The following FSTL4 variants were observed in gnomAD, a reference collection of about 807,000 sequenced individuals.
FSTL4 encodes the protein follistatin like 4.
In FSTL4, 28 loss-of-function variants were observed where a neutral mutation model predicts 78.2. That is an observed-to-expected ratio of 0.36 (90% CI 0.27 to 0.49). FSTL4 has a LOEUF of 0.49. Among genes scored for constraint, FSTL4 ranks in the 20% least tolerant of loss-of-function variants. The probability of loss-of-function intolerance (pLI) is 0.98; values close to 1 mark genes in which losing one functional copy is unlikely to be tolerated. For synonymous variants in FSTL4, 422 were observed against 440.5 expected (o/e 0.96, Z 0.53); for missense variants, 922 against 1,084.9 (o/e 0.85, Z 2.11).
the FSTL4 span, among the ~76,000 whole-genome samples, chr5:133,759,665 A>G: frequency 2.0e-5 from 3 of 152,188 alleles, no homozygotes; most frequent in Non-Finnish European, 4.4e-5. Context: ...TCCTATTTCC[A>G]TGTTTCTCTA....
intron 3 of FSTL4, among the ~76,000 whole-genome samples, chr5:133,519,913 T>C (rs185394210): frequency 1.2e-4 from 18 of 152,190 alleles, no homozygotes; most frequent in Admixed American, 6.5e-4. Context: ...CTACAGAAGA[T>C]TGAGGGTAAA....
the FSTL4 span, among the ~76,000 whole-genome samples, chr5:133,618,288 A>G: frequency 6.6e-6 from 1 of 152,206 alleles, no homozygotes; most frequent in Non-Finnish European, 1.5e-5. Context: ...ACTGCAGGTA[A>G]CTAAACCTGT....
At chr5:133,819,129 T>C in the FSTL4 span, among the ~76,000 whole-genome samples, 2 of 150,784 alleles carry the variant, frequency 1.3e-5, no homozygotes, top group African/African-American at 4.9e-5. Context: ...TGCGTACACA[T>C]GAAACACTTC....
At chr5:133,339,099 T>G (rs370719084) in intron 4 of FSTL4, among the ~76,000 whole-genome samples, 77 of 152,284 alleles carry the variant, frequency 5.1e-4, no homozygotes, top group African/African-American at 1.4e-3. Context: ...ACACCCGTTC[T>G]GGCGACCCTG....
At chr5:133,778,746 C>T in the FSTL4 span, among the ~76,000 whole-genome samples, 1 of 152,202 alleles carries the variant, frequency 6.6e-6, no homozygotes, top group South Asian at 2.1e-4. Context: ...AGAAGGGTTT[C>T]GGCACTCGCA....
chr5:133,806,343 A>C, the FSTL4 span, among the ~76,000 whole-genome samples: 2 of 152,174 alleles, frequency 1.3e-5, no homozygotes, highest in Admixed American at 1.3e-4. Flanking sequence ...TCCTTCCACT[A>C]TTCATCCTGC....
the FSTL4 span, among the ~76,000 whole-genome samples, chr5:133,811,145 C>T: frequency 3.3e-5 from 5 of 152,234 alleles, no homozygotes; most frequent in East Asian, 7.7e-4. Flanking sequence ...CTTATGCACC[C>T]AAACAAAACC....
rs1581516802 is a variant in FSTL4 at position 133,199,038 on chromosome 5, G to A, written c.*57C>T. ...AAAAATGTACAGCGTACCTGCTTGA[G>A]GCTGCAGTGTCAGGACTAGGGGGTG... On this transcript the variant is annotated 3_prime_UTR_variant, in exon 16 of 16. Coordinates refer to ENST00000265342, the MANE Select transcript of FSTL4 (RefSeq NM_015082.2). This position sits in a 1 kb window ranked among gnomAD's most constrained non-coding sequence, Gnocchi z 4.4. 1 of 1,091,072 alleles carries A rather than the reference G, an allele frequency of 9.2e-7. No individual in the cohort carries two copies. The highest frequency in any genetic ancestry group is 1.3e-6 in the Non-Finnish European group (1 of 761,034). The allele number at this position is 1,091,072 out of a possible 1,614,324, so 67.6% of individuals were successfully genotyped here. A position where few individuals can be genotyped will look rare whatever the true frequency, so the allele number is the denominator to read the frequency against.
At chr5:133,709,103 G>A in the FSTL4 span, among the ~76,000 whole-genome samples, 116 of 152,318 alleles carry the variant, frequency 7.6e-4, no homozygotes, top group African/African-American at 2.8e-3. Flanking sequence ...TAGACACATG[G>A]ACTGTGTCAA....
At chr5:133,746,754 G>T in the FSTL4 span, among the ~76,000 whole-genome samples, 3 of 152,074 alleles carry the variant, frequency 2.0e-5, no homozygotes, top group Non-Finnish European at 4.4e-5. Context: ...AAGAGAAACT[G>T]GAAAGACATT....
chr5:133,563,788 T>C (rs969501106), intron 3 of FSTL4, among the ~76,000 whole-genome samples: 1 of 152,240 alleles, frequency 6.6e-6, no homozygotes, highest in Non-Finnish European at 1.5e-5. Flanking sequence ...AAATGCTGCA[T>C]ATTACATTCC....
the FSTL4 span, among the ~76,000 whole-genome samples, chr5:133,793,698 C>T: frequency 4.6e-5 from 7 of 152,304 alleles, no homozygotes; most frequent in East Asian, 1.9e-4. Flanking sequence ...TGCCCACTCC[C>T]GCGGTCTCAC....
intron 6 of FSTL4, among the ~76,000 whole-genome samples, chr5:133,310,944 A>G (rs542663926): frequency 1.3e-5 from 2 of 152,294 alleles, no homozygotes; most frequent in African/African-American, 4.8e-5. Flanking sequence ...AGATATTGCC[A>G]GAAGTGGACT....
chr5:133,646,817 G>C, the FSTL4 span, among the ~76,000 whole-genome samples: 1 of 152,050 alleles, frequency 6.6e-6, no homozygotes, highest in African/African-American at 2.4e-5. Context: ...AGACCCAAGA[G>C]AACGACATAA....
chr5:133,396,214 C>T lies in FSTL4; in HGVS notation c.409+4524G>A, dbSNP rs80273165. ...TGAATAAGCCGTGATGTTACAACGG[C>T]ACCAGCATCATCCCTAGTGCTGTTG... is the stretch of plus-strand genomic sequence containing the variant. On this transcript the variant is annotated intron_variant, in intron 4 of 15. Coordinates refer to ENST00000265342, the MANE Select transcript of FSTL4 (RefSeq NM_015082.2). Among the ~76,000 whole-genome samples the T allele has an allele frequency of 3.8e-3, 585 of 152,334 alleles. 1 individual carries two copies. The highest frequency in any genetic ancestry group is 6.3e-3 in the Non-Finnish European group (431 of 68,042).
rs186649937 is a variant in FSTL4, at chr5:133,262,515, C to A, written c.728-12939G>T. 1.1e-3 allele frequency among the ~76,000 whole-genome samples: 165 copies of A among 152,324 alleles called. 1 individual carries two copies. The highest frequency in any genetic ancestry group is 3.9e-3 in the African/African-American group (162 of 41,576). On this transcript the variant is annotated intron_variant, in intron 6 of 15. Coordinates refer to ENST00000265342, the MANE Select transcript of FSTL4 (RefSeq NM_015082.2). Reference sequence around the variant, plus strand: ...GGACCACCTTCCTAAATGTCCACAGCTCCTCCTGTAACCTGTAGAATATGT... The same window carrying A: ...GGACCACCTTCCTAAATGTCCACAGATCCTCCTGTAACCTGTAGAATATGT...
At chr5:133,446,545 C>T (rs1028589362) in intron 3 of FSTL4, among the ~76,000 whole-genome samples, 3 of 152,206 alleles carry the variant, frequency 2.0e-5, no homozygotes, top group Non-Finnish European at 4.4e-5. Flanking sequence ...GCACTCCCCC[C>T]ACTCCTCCAA....
the FSTL4 span, among the ~76,000 whole-genome samples, chr5:133,624,635 A>C: frequency 6.6e-6 from 1 of 151,808 alleles, no homozygotes; most frequent in African/African-American, 2.4e-5. Flanking sequence ...TAGTGGGTTT[A>C]TTTCTGGGTT....
chr5:133,478,941 A>C (rs1757972360), intron 3 of FSTL4, among the ~76,000 whole-genome samples: 1 of 152,162 alleles, frequency 6.6e-6, no homozygotes, highest in Non-Finnish European at 1.5e-5. Context: ...ATACAGATAA[A>C]AATGATTTCT....
Sources: allele counts gnomAD v4.1 joint callset (sites outside exome capture counted in the v4.1 genomes callset), GRCh38; gene constraint gnomAD v4.1.1; non-coding constraint Gnocchi (gnomAD v3.1); transcripts MANE v1.5; gene names NCBI Gene and HGNC (gene_info 2026-07-23, HGNC 2026-07-21).